Variants in PHF3 observed in about 807,000 individuals in gnomAD.
The protein encoded by PHF3 is PHD finger protein 3.
A neutral mutation model predicts 178.4 loss-of-function variants in PHF3; 41 were observed. The observed-to-expected ratio is 0.23, with a 90% CI of 0.18 to 0.30. PHF3 has a LOEUF of 0.30. Ranked by LOEUF, PHF3 falls within the 10% of genes least tolerant of loss-of-function variation. PHF3 has a pLI of 1.00. For missense variants in PHF3, 2,346 were observed against 2,398.1 expected, an observed-to-expected ratio of 0.98 and a Z score of 0.45; for synonymous variants, 842 against 800.5, an observed-to-expected ratio of 1.05 and a Z score of -0.88.
At position 63,698,465 on chromosome 6, in the gene PHF3, T is replaced by C. The variant is rs779609823; in HGVS notation, c.2842T>C (p.Leu948=). 34 of 1,593,902 alleles carry C rather than the reference T, an allele frequency of 2.1e-5. No individual in the cohort carries two copies. The highest frequency in any genetic ancestry group is 2.6e-5 in the Non-Finnish European group (31 of 1,172,740). ...ILMKRLTDSN[L]KVPEEKAAKV... ...AATTTTAAGACTTACAGACTCAAAT[T>C]TGAAGGTACCAGAGGAAAAGGCAGC... is the stretch of plus-strand genomic sequence containing the variant. Residue 948 remains leucine, a synonymous_variant, in exon 8 of 16, where the codon TTG becomes CTG. Transcript: ENST00000262043.
In PHF3 at chr6:63,715,106, G is replaced by C. The variant is rs566139638; in HGVS notation, c.*1398G>C. ...TGATTGTTTTCCTAAAGAGCTTAAA[G>C]ATTAGAGTTAAAAATTGGTTTTGAA... On this transcript the variant is annotated 3_prime_UTR_variant, in exon 16 of 16. Coordinates refer to ENST00000262043, the MANE Select transcript of PHF3 (RefSeq NM_001370348.2). The C allele has an allele frequency of 6.6e-6, 1 of 152,168 alleles. No homozygotes were observed. Among genetic ancestry groups the C allele is most frequent in the South Asian group, 2.1e-4 (1 of 4,828 alleles). The allele number at this position is 152,168 out of a possible 1,614,324, so 9.4% of individuals were successfully genotyped here.
At chr6:63,703,325 A>G (rs1189681199) in intron 10 of PHF3, among the ~76,000 whole-genome samples, 3 of 152,170 alleles carry the variant, frequency 2.0e-5, no homozygotes, top group Non-Finnish European at 2.9e-5. Context: ...AGAATGGGGA[A>G]TGTTTTAATT....
rs1766607518 is a variant in PHF3, at chr6:63,684,857, G to A, written c.1135G>A (p.Asp379Asn). Reference protein sequence around the residue: ...EVTECNLELKDTMGIADKTEN... With the variant: ...EVTECNLELKNTMGIADKTEN... Reference sequence around the variant, plus strand: ...GACTGAATGTAATTTGGAATTGAAGGATACCATGGGTATTGCTGATAAAAC... The same window carrying A: ...GACTGAATGTAATTTGGAATTGAAGAATACCATGGGTATTGCTGATAAAAC... The change falls in exon 4 of 16, where the codon GAT becomes AAT. Residue 379 changes from aspartate (D) to asparagine (N), a missense_variant. Around this residue, in one of 8 missense-constraint regions of PHF3, gnomAD observed 843 missense variants for 795.2 expected, o/e 1.06. Coordinates refer to ENST00000262043, the MANE Select transcript of PHF3 (RefSeq NM_001370348.2). 6.2e-7 allele frequency: 1 copy of A among 1,613,962 alleles called. No individual in the cohort carries two copies. Among genetic ancestry groups the A allele is most frequent in the East Asian group, 2.2e-5 (1 of 44,868 alleles).
At position 63,714,681 on chromosome 6, in the gene PHF3, CTG is replaced by C. The variant is rs1159763245; in HGVS notation, c.*976_*977del. On this transcript the variant is annotated 3_prime_UTR_variant, in exon 16 of 16. Coordinates refer to ENST00000262043, the MANE Select transcript of PHF3 (RefSeq NM_001370348.2). ...AGAATTTAGAACTACCTGTGAAACA[CTG>C]TGCAGCTATAGCCCACTTTATAGGT... 6 of 152,202 alleles carry C rather than the reference CTG, an allele frequency of 3.9e-5. No homozygotes were observed. Among genetic ancestry groups the C allele is most frequent in the East Asian group, 1.9e-4 (1 of 5,186 alleles). 9.4% of individuals were successfully genotyped at this position (152,202 alleles called of 1,614,324 possible). A position where few individuals can be genotyped will look rare whatever the true frequency, so the allele number is the denominator to read the frequency against.
rs143656528 is a variant in PHF3, at chr6:63,689,955, C to T, written c.2190-1782C>T. On this transcript the variant is annotated intron_variant, in intron 4 of 15. Coordinates refer to ENST00000262043, the MANE Select transcript of PHF3 (RefSeq NM_001370348.2). ...TAGCTTTCCTTCAGCATTTCAGAAA[C>T]ATTCATGTTAGACAGTTGCTTTCAA... 1.4e-3 allele frequency among the ~76,000 whole-genome samples: 207 copies of T among 152,256 alleles called. 1 individual carries two copies. Among genetic ancestry groups the T allele is most frequent in the African/African-American group, 4.4e-3 (181 of 41,564 alleles).
At position 63,722,361 on chromosome 6, in the gene PHF3, A is replaced by G. The variant is rs1381162596; in HGVS notation, c.*8653A>G. Reference sequence around the variant, plus strand: ...GTTTCAGATCAAGTGTCACTTCCTCAGAGAAGTTTTCCTTGATTTCCCAGA... The same window carrying G: ...GTTTCAGATCAAGTGTCACTTCCTCGGAGAAGTTTTCCTTGATTTCCCAGA... On this transcript the variant is annotated 3_prime_UTR_variant, in exon 16 of 16. Coordinates refer to ENST00000262043, the MANE Select transcript of PHF3 (RefSeq NM_001370348.2). Among the ~76,000 whole-genome samples the G allele has an allele frequency of 6.6e-6, 1 of 151,598 alleles. No individual in the cohort carries two copies. Among genetic ancestry groups the G allele is most frequent in the Non-Finnish European group, 1.5e-5 (1 of 67,592 alleles).
rs1388267527 is a variant in PHF3 at position 63,711,580 on chromosome 6, A to G, written c.3998-6A>G. The stretch of plus-strand genomic sequence containing the variant: ...TGAATTAATTGATGTTTTTGGTTTT[A>G]TACAGGGCTTGAACTGCATAGACCT... On this transcript the variant is annotated splice_region_variant and splice_polypyrimidine_tract_variant and intron_variant, in intron 15 of 15. Transcript: ENST00000262043. 15 of 1,555,764 alleles carry G rather than the reference A, an allele frequency of 9.6e-6. No individual in the cohort carries two copies. Among genetic ancestry groups the G allele is most frequent in the African/African-American group, 1.4e-5 (1 of 71,890 alleles).
In PHF3 at chr6:63,718,196, A is replaced by G. The variant is rs1256339777; in HGVS notation, c.*4488A>G. Among the ~76,000 whole-genome samples the G allele has an allele frequency of 2.0e-5, 3 of 151,968 alleles. No individual in the cohort carries two copies. The highest frequency in any genetic ancestry group is 4.4e-5 in the Non-Finnish European group (3 of 67,946). On this transcript the variant is annotated 3_prime_UTR_variant, in exon 16 of 16. Transcript: ENST00000262043. ...ATTGTCTGCCTATTCTGCAAGCACAATTTTCTGCGTTTGGAATTCAATGAT... is the reference window on the plus strand; with the variant it reads ...ATTGTCTGCCTATTCTGCAAGCACAGTTTTCTGCGTTTGGAATTCAATGAT...
In PHF3 at chr6:63,646,585, C is replaced by T. The variant is rs748631486; in HGVS notation, c.34C>T (p.Pro12Ser). ...AGTTGATACATTTAATCATTTAATT[C>T]CTACTGAACACTTAGATGATGCCCT... The part of the protein sequence containing the change: ...DIVDTFNHLI[P>S]TEHLDDALFL... Residue 12 changes from proline to serine, a missense_variant, in exon 2 of 16, where the codon CCT becomes TCT. Transcript: ENST00000262043. 4 of 1,610,806 alleles carry T rather than the reference C, an allele frequency of 2.5e-6. No homozygotes were observed. Among genetic ancestry groups the T allele is most frequent in the Non-Finnish European group, 3.4e-6 (4 of 1,177,484 alleles).
chr6:63,678,620 A>G (rs1766289562), intron 2 of PHF3, among the ~76,000 whole-genome samples: 2 of 149,778 alleles, frequency 1.3e-5, no homozygotes, highest in Non-Finnish European at 3.0e-5. Context: ...ATATGCATGC[A>G]TTTTATTTGT....
intron 2 of PHF3, among the ~76,000 whole-genome samples, chr6:63,647,578 T>C (rs1381979885): frequency 2.6e-5 from 4 of 152,220 alleles, no homozygotes; most frequent in Non-Finnish European, 5.9e-5. Flanking sequence ...AGTGACTACT[T>C]GAAAATTCAA....
chr6:63,649,203 C>G (rs1764920885), intron 2 of PHF3, among the ~76,000 whole-genome samples: 1 of 151,924 alleles, frequency 6.6e-6, no homozygotes. Context: ...CTATGTCTCA[C>G]AGAGTGCTGG....
intron 2 of PHF3, among the ~76,000 whole-genome samples, chr6:63,663,807 T>C (rs886997332): frequency 6.6e-6 from 1 of 152,170 alleles, no homozygotes; most frequent in East Asian, 1.9e-4. Context: ...CTTGCGCTAT[T>C]ATGTGTGATG....
At chr6:63,691,696 TA>T (rs748475413) in intron 4 of PHF3, 40 bp from the exon 5 acceptor site, 12 of 1,482,038 alleles carry the variant, frequency 8.1e-6, no homozygotes, top group African/African-American at 1.4e-5. Flanking sequence ...ATTTTCTTGT[TA>T]AAAAAAGGGA....
At chr6:63,641,642 AT>A (rs1013538321) in intron 1 of PHF3, among the ~76,000 whole-genome samples, 6 of 140,942 alleles carry the variant, frequency 4.3e-5, no homozygotes, top group South Asian at 2.2e-4. Context: ...GTAAAGTGTA[AT>A]TTTTTTTTTT....
At chr6:63,664,021 T>A (rs1459239706) in intron 2 of PHF3, among the ~76,000 whole-genome samples, 1 of 147,354 alleles carries the variant, frequency 6.8e-6, no homozygotes, top group African/African-American at 2.7e-5. Context: ...AAAAGTGTCA[T>A]TTTTTTTATG....
chr6:63,691,588 C>G, intron 4 of PHF3, 149 bp from the exon 5 acceptor site: 1 of 623,112 alleles, frequency 1.6e-6, no homozygotes, highest in East Asian at 2.7e-5. Flanking sequence ...TGAAAACTTG[C>G]TGTATGTTGA....
intron 6 of PHF3, among the ~76,000 whole-genome samples, chr6:63,695,691 A>G (rs1253365969): frequency 6.6e-6 from 1 of 152,170 alleles, no homozygotes; most frequent in Non-Finnish European, 1.5e-5. Context: ...CCGTAGCAAT[A>G]TCCTAGGAAA....
intron 10 of PHF3, 58 bp downstream of exon 10, chr6:63,702,697 A>C: frequency 1.3e-6 from 2 of 1,498,284 alleles, no homozygotes; most frequent in Non-Finnish European, 1.8e-6. Context: ...GAAAAGGTTT[A>C]TTTGCCTAAT....
Sources: gnomAD v4.1 joint callset for allele counts (sites outside exome capture counted in the v4.1 genomes callset) on GRCh38, gnomAD v4.1.1 for gene constraint, gnomAD v4.1.1 regional missense constraint, MANE v1.5 for transcripts, NCBI Gene and HGNC (gene_info 2026-07-23, HGNC 2026-07-21) for gene names.